The following SOX13 variants were observed in gnomAD, a reference collection of about 807,000 sequenced individuals.
SOX13 encodes SRY-box transcription factor 13.
Under a neutral mutation model 71.8 loss-of-function variants are expected in SOX13, and 28 were observed. The ratio of observed to expected loss-of-function variants is 0.39; its 90% confidence interval spans 0.29 to 0.53. The LOEUF (loss-of-function observed/expected upper bound fraction) is 0.53, where lower values mean the gene tolerates loss of function less well. Among genes scored for constraint, SOX13 ranks in the 20% least tolerant of loss-of-function variants. The pLI is 0.70. For synonymous variants in SOX13, 309 were observed against 317.8 expected (o/e 0.97, Z 0.29); for missense variants, 627 against 810.3 (o/e 0.77, Z 2.75).
chr1:204,124,732 T>A lies in SOX13; in HGVS notation c.1467T>A (p.Pro489=), dbSNP rs144027516. 2.9e-5 allele frequency: 47 copies of A among 1,612,720 alleles called. No individual in the cohort carries two copies. In the African/African-American group the frequency reaches 4.0e-4, roughly 14 times the overall value. ...RLSRQHLEKY[P]DYKYKPRPKR... ...GCCGGCAGCACCTGGAGAAGTATCC[T>A]GACTACAAGTACAAGCCGCGGCCCA... Residue 489 remains proline, a synonymous_variant, in exon 13 of 14, where the codon CCT becomes CCA. Coordinates refer to ENST00000367204, the MANE Select transcript of SOX13 (RefSeq NM_005686.3).
At chr1:204,085,535 C>T (rs947027625) in intron 1 of SOX13, among the ~76,000 whole-genome samples, 3 of 152,070 alleles carry the variant, frequency 2.0e-5, no homozygotes, top group African/African-American at 7.2e-5. Flanking sequence ...TCCAAGGTCT[C>T]TAGGATGCCC....
chr1:204,124,818 GGACCC>G lies in SOX13; in HGVS notation c.1555_1559del (p.Thr519AlafsTer46). On this transcript the variant is annotated frameshift_variant, in exon 13 of 14. Transcript: ENST00000367204. LOFTEE classifies it high-confidence loss of function. The stretch of plus-strand genomic sequence containing the variant: ...GTGGGAGAGTACAAGGCCCTGATGA[GGACCC>G]GGCGTCAGGATGCCCGCCAGAGCTA... 1 of 1,585,600 alleles carries G rather than the reference GGACCC, an allele frequency of 6.3e-7. No individual in the cohort carries two copies.
chr1:204,122,269 G>T lies in SOX13; in HGVS notation c.894G>T (p.Lys298Asn). The T allele has an allele frequency of 6.3e-7, 1 of 1,591,336 alleles. No homozygotes were observed. The change falls in exon 9 of 14, where the codon AAG (lysine) becomes AAT (asparagine). Residue 298 changes from lysine to asparagine, a missense_variant. By Grantham distance (94) the Lys-to-Asn change is moderately conservative. Coordinates refer to ENST00000367204, the MANE Select transcript of SOX13 (RefSeq NM_005686.3). ...EPSQPLNLTA[K>N]PKAPELPNTS... Reference sequence around the variant, plus strand: ...CCCAGCCCCTGAACCTCACAGCCAAGCCCAAGGCCCCCGAGCTGCCCAACA... The same window carrying T: ...CCCAGCCCCTGAACCTCACAGCCAATCCCAAGGCCCCCGAGCTGCCCAACA...
chr1:204,123,447 G>T lies in SOX13; in HGVS notation c.1232-214G>T, dbSNP rs1656853322. The stretch of plus-strand genomic sequence containing the variant: ...GAGGCCATACCGCTGTGATTTTCTT[G>T]TGTGTCTGTCTCTGGTTCCCTGGCT... On this transcript the variant is annotated intron_variant, in intron 11 of 13. Coordinates refer to ENST00000367204, the MANE Select transcript of SOX13 (RefSeq NM_005686.3). The surrounding 1 kb of genome is among the most constrained non-coding windows in gnomAD (Gnocchi z 5.0). 6.6e-6 allele frequency among the ~76,000 whole-genome samples: 1 copy of T among 152,204 alleles called. No individual in the cohort carries two copies. Among genetic ancestry groups the T allele is most frequent in the Non-Finnish European group, 1.5e-5 (1 of 68,044 alleles).
intron 2 of SOX13, 112 bp from the exon 3 acceptor site, chr1:204,114,209 A>G: frequency 1.5e-6 from 1 of 652,446 alleles, no homozygotes; most frequent in Non-Finnish European, 2.7e-6. Context: ...GAGAAGTAGG[A>G]CTTGGATAGG....
intron 13 of SOX13, among the ~76,000 whole-genome samples, chr1:204,125,153 A>G (rs1217858189): frequency 6.6e-6 from 1 of 152,204 alleles, no homozygotes; most frequent in Non-Finnish European, 1.5e-5. Flanking sequence ...GATAAACTCA[A>G]TAGAAATTCA....
chr1:204,117,266 CAG>C, intron 6 of SOX13, 76 bp downstream of exon 6: 2 of 1,301,070 alleles, frequency 1.5e-6, no homozygotes, highest in South Asian at 1.2e-5. Context: ...GTGCTGGGGA[CAG>C]GGGATGTGCA....
chr1:204,109,856 G>A (rs1455717964), intron 1 of SOX13, among the ~76,000 whole-genome samples: 1 of 151,400 alleles, frequency 6.6e-6, no homozygotes, highest in East Asian at 1.9e-4. Flanking sequence ...TTTTGAGACG[G>A]AGTTTCGCTC....
intron 1 of SOX13, among the ~76,000 whole-genome samples, chr1:204,075,121 C>A (rs1655759994): frequency 6.6e-6 from 1 of 152,208 alleles, no homozygotes; most frequent in African/African-American, 2.4e-5. Context: ...ATGCCGGTTT[C>A]AAAGATGGGT....
In SOX13 at chr1:204,113,023, C is replaced by G. The variant is rs1380570478; in HGVS notation, c.108C>G (p.Ala36=). The change falls in exon 2 of 14, where the codon GCC becomes GCG. Residue 36 remains alanine (A), a synonymous_variant. Coordinates refer to ENST00000367204, the MANE Select transcript of SOX13 (RefSeq NM_005686.3). The stretch of plus-strand genomic sequence containing the variant: ...AGAAGAAAGAGCCTTGCCACGAGGC[C>G]CCCCAGGGCTCAGCCACTGCCGCTG... The part of the protein sequence containing the change: ...SEEKKEPCHE[A]PQGSATAAEP... The G allele has an allele frequency of 6.2e-7, 1 of 1,612,644 alleles. No homozygotes were observed. The highest frequency in any genetic ancestry group is 8.5e-7 in the Non-Finnish European group (1 of 1,179,654).
intron 1 of SOX13, 24 bp from the exon 2 acceptor site, chr1:204,112,891 C>T (rs1270800830): frequency 6.3e-7 from 1 of 1,598,926 alleles, no homozygotes; most frequent in Non-Finnish European, 8.6e-7. Context: ...GGACTCACCT[C>T]AGCTCACTCT....
intron 1 of SOX13, among the ~76,000 whole-genome samples, chr1:204,099,364 G>T (rs1461834808): frequency 1.3e-5 from 2 of 151,126 alleles, no homozygotes; most frequent in Non-Finnish European, 2.9e-5. Context: ...CTGAGAGGTG[G>T]ATTCTGATGC....
chr1:204,123,217 T>A lies in SOX13; in HGVS notation c.1231+9T>A, dbSNP rs1449706123. ...GAGCTGCGACATGGATGGTGAGGGC[T>A]CAGGCGCAGGGCTGATGCGCAGGAG... On this transcript the variant is annotated intron_variant, in intron 11 of 13. Transcript: ENST00000367204. The surrounding 1 kb of genome is among the most constrained non-coding windows in gnomAD (Gnocchi z 5.0). 3.1e-6 allele frequency: 5 copies of A among 1,608,380 alleles called. No individual in the cohort carries two copies. The highest frequency in any genetic ancestry group is 2.7e-5 in the African/African-American group (2 of 74,824).
chr1:204,102,699 G>A (rs186357079), intron 1 of SOX13, among the ~76,000 whole-genome samples: 19 of 151,384 alleles, frequency 1.3e-4, no homozygotes, highest in African/African-American at 3.6e-4. Flanking sequence ...GTGGGGGAAG[G>A]GGGTGGCGGT....
intron 1 of SOX13, among the ~76,000 whole-genome samples, chr1:204,109,836 T>C (rs762179111): frequency 6.6e-6 from 1 of 152,096 alleles, no homozygotes; most frequent in Non-Finnish European, 1.5e-5. Flanking sequence ...TTATCATTAT[T>C]ATTATTTTTT....
rs1352695040 is a variant in SOX13 at position 204,122,952 on chromosome 1, C to T, written c.1123C>T (p.Pro375Ser). ...GGCCTTGGATGGCTCCCCCAACACC[C>T]CCTTCCGTAAGGTATGGTCCCCCAC... is the stretch of plus-strand genomic sequence containing the variant. ...SGALDGSPNTPFRKDLISLDS... is the reference protein window; with the variant it reads ...SGALDGSPNTSFRKDLISLDS... Residue 375 changes from proline to serine, a missense_variant, in exon 10 of 14, where the codon CCC (proline) becomes TCC (serine). Transcript: ENST00000367204. The T allele has an allele frequency of 6.3e-7, 1 of 1,586,876 alleles. No individual in the cohort carries two copies. The highest frequency in any genetic ancestry group is 1.7e-5 in the Admixed American group (1 of 57,260).
chr1:204,120,135 T>C (rs753821285), intron 7 of SOX13, among the ~76,000 whole-genome samples: 1 of 152,238 alleles, frequency 6.6e-6, no homozygotes, highest in Non-Finnish European at 1.5e-5. Context: ...TTCTGAGGTC[T>C]GTAAGCTGTC....
Position 204,122,873 on chromosome 1 carries a change from C to T in SOX13, c.1044C>T (p.Asp348=), listed in dbSNP as rs745539348. The T allele has an allele frequency of 1.4e-5, 22 of 1,565,950 alleles. No individual in the cohort carries two copies. Among genetic ancestry groups the T allele is most frequent in the East Asian group, 7.1e-5 (3 of 42,014 alleles). The change falls in exon 10 of 14, where the codon GAC becomes GAT. Residue 348 remains aspartate (D), a synonymous_variant. Coordinates refer to ENST00000367204, the MANE Select transcript of SOX13 (RefSeq NM_005686.3). Reference sequence around the variant, plus strand: ...CCACAGGCTTCCTTGGTGAAGGGGACGCTGTCACCAAAGCCATCCAGGATG... The same window carrying T: ...CCACAGGCTTCCTTGGTGAAGGGGATGCTGTCACCAAAGCCATCCAGGATG... The part of the protein sequence containing the change: ...SLPLGFLGEG[D]AVTKAIQDAR...
chr1:204,090,347 T>TTGTTCTC lies in SOX13; in HGVS notation c.-2+16646_-2+16652dup, dbSNP rs1656115872. On this transcript the variant is annotated intron_variant, in intron 1 of 13. Coordinates refer to ENST00000367204, the MANE Select transcript of SOX13 (RefSeq NM_005686.3). ...GCCACTTAACCCTGAGGCTGGTTAC[T>TTGTTCTC]TGTTCTCTGTTCTCTGGGTTGACTG... Among the ~76,000 whole-genome samples, 3 of 152,022 alleles carry TTGTTCTC rather than the reference T, an allele frequency of 2.0e-5. No individual in the cohort carries two copies. In the South Asian group the frequency reaches 6.2e-4, roughly 31 times the overall value.
Sources: gnomAD v4.1 joint callset for allele counts (sites outside exome capture counted in the v4.1 genomes callset) on GRCh38, gnomAD v4.1.1 for gene constraint, Gnocchi (gnomAD v3.1) non-coding constraint, MANE v1.5 for transcripts, NCBI Gene and HGNC (gene_info 2026-07-23, HGNC 2026-07-21) for gene names.